The following AOPEP variants were observed in gnomAD, a reference collection of about 807,000 sequenced individuals.
AOPEP encodes the protein aminopeptidase O (putative).
A neutral mutation model predicts 98.1 loss-of-function variants in AOPEP; 77 were observed. That is an observed-to-expected ratio of 0.78 (90% CI 0.65 to 0.95). The LOEUF is 0.95. Ranked by LOEUF, AOPEP falls within the 40% of genes least tolerant of loss-of-function variation. The pLI, the probability that AOPEP is intolerant of heterozygous loss-of-function variation, is 0.00. For synonymous variants in AOPEP, 346 were observed against 365.3 expected (o/e 0.95, Z 0.60); for missense variants, 1,024 against 1,024.7 (o/e 1.00, Z 0.01).
rs577166300 is a variant in AOPEP, at chr9:94,875,339, T to C, written c.1365-48647T>C. The stretch of plus-strand genomic sequence containing the variant: ...ACAAATTAAATTTAACAGAGTTTAA[T>C]TGAGCAAGAAAAAAAAAAAAAAAAA... On this transcript the variant is annotated intron_variant, in intron 5 of 16. Coordinates refer to ENST00000375315, the MANE Select transcript of AOPEP (RefSeq NM_001193329.3). Among the ~76,000 whole-genome samples, 157 of 91,206 alleles carry C rather than the reference T, an allele frequency of 1.7e-3. 1 individual carries two copies. Among genetic ancestry groups the C allele is most frequent in the African/African-American group, 7.0e-3 (153 of 21,998 alleles). The allele number at this position is 91,206 out of a possible 152,430, so 59.8% of individuals were successfully genotyped here.
chr9:95,027,475 G>C (rs2063934815), intron 13 of AOPEP, among the ~76,000 whole-genome samples: 1 of 152,064 alleles, frequency 6.6e-6, no homozygotes, highest in Non-Finnish European at 1.5e-5. Flanking sequence ...TTACTTTGAG[G>C]AGTGATGTTT....
the AOPEP span, among the ~76,000 whole-genome samples, chr9:95,127,947 CTT>C: frequency 6.6e-6 from 1 of 152,240 alleles, no homozygotes; most frequent in Admixed American, 6.5e-5. Flanking sequence ...ATGTCCTACT[CTT>C]TAAATAATCT....
intron 5 of AOPEP, chr9:94,904,211 A>G (rs1157580290): frequency 6.6e-6 from 1 of 152,186 alleles, no homozygotes; most frequent in Non-Finnish European, 1.5e-5. Flanking sequence ...TCATGTATCA[A>G]AAAGATATGG....
At chr9:95,119,733 A>T in the AOPEP span, among the ~76,000 whole-genome samples, 1 of 151,552 alleles carries the variant, frequency 6.6e-6, no homozygotes, top group Admixed American at 6.6e-5. Context: ...ATTTTTTGAG[A>T]TATGGTTTCA....
At chr9:94,932,975 G>A in intron 7 of AOPEP, 1 of 985,398 alleles carries the variant, frequency 1.0e-6, no homozygotes, top group Non-Finnish European at 1.2e-6. Context: ...AAAATGTTAG[G>A]GGTCACATGC....
chr9:94,775,469 A>G (rs569133201), intron 3 of AOPEP, among the ~76,000 whole-genome samples: 13 of 151,554 alleles, frequency 8.6e-5, no homozygotes, highest in Non-Finnish European at 1.6e-4. Flanking sequence ...TCCCGGGTTC[A>G]GGCGATTCTG....
intron 5 of AOPEP, among the ~76,000 whole-genome samples, chr9:94,841,656 G>T (rs1319157031): frequency 6.6e-6 from 1 of 152,002 alleles, no homozygotes; most frequent in Non-Finnish European, 1.5e-5. Context: ...TACGTCAAAG[G>T]ACACTTTTTT....
chr9:95,108,847 C>T, the AOPEP span, among the ~76,000 whole-genome samples: 1 of 151,982 alleles, frequency 6.6e-6, no homozygotes, highest in Admixed American at 6.6e-5. Context: ...TTTCATTTTT[C>T]TCTCCATAAT....
intron 5 of AOPEP, chr9:94,921,231 G>T (rs1400184702): frequency 6.6e-6 from 1 of 152,302 alleles, no homozygotes; most frequent in East Asian, 1.9e-4. Flanking sequence ...CAGTTTTCCA[G>T]TGAGGCTTGT....
intron 13 of AOPEP, among the ~76,000 whole-genome samples, chr9:95,050,867 G>A (rs1272145942): frequency 6.6e-6 from 1 of 152,194 alleles, no homozygotes. Context: ...TGGAATGTTA[G>A]TGTTTCCGAC....
intron 14 of AOPEP, among the ~76,000 whole-genome samples, chr9:95,066,500 T>G (rs1035250668): frequency 6.6e-6 from 1 of 152,232 alleles, no homozygotes; most frequent in Non-Finnish European, 1.5e-5. Flanking sequence ...AATGGTCAGC[T>G]TAGCATTTAT....
chr9:94,739,577 G>A (rs1832594050), intron 1 of AOPEP, among the ~76,000 whole-genome samples: 1 of 151,340 alleles, frequency 6.6e-6, no homozygotes, highest in Admixed American at 6.6e-5. Context: ...CCGGGAGGTG[G>A]AAGTTGCAGT....
At chr9:94,898,996 G>A (rs961783830) in intron 5 of AOPEP, among the ~76,000 whole-genome samples, 1 of 151,958 alleles carries the variant, frequency 6.6e-6, no homozygotes, top group African/African-American at 2.4e-5. Flanking sequence ...TGTGGGAGAA[G>A]CTCCTTGGTA....
At chr9:95,046,657 G>A (rs1182796234) in intron 13 of AOPEP, among the ~76,000 whole-genome samples, 1 of 152,174 alleles carries the variant, frequency 6.6e-6, no homozygotes, top group African/African-American at 2.4e-5. Flanking sequence ...GGGAACATAG[G>A]GAAGGATAAG....
chr9:94,936,532 A>G (rs2056303146), intron 7 of AOPEP, among the ~76,000 whole-genome samples: 1 of 152,206 alleles, frequency 6.6e-6, no homozygotes, highest in Non-Finnish European at 1.5e-5. Context: ...ACTGTTTTTC[A>G]TCTGCTCTCA....
intron 14 of AOPEP, 114 bp downstream of exon 14, chr9:95,060,924 A>G: frequency 2.7e-6 from 2 of 733,438 alleles, no homozygotes; most frequent in Non-Finnish European, 5.0e-6. Flanking sequence ...GCAAAATCTC[A>G]TGTGTTTGCT....
chr9:94,741,482 A>G (rs1833103692), intron 1 of AOPEP, among the ~76,000 whole-genome samples: 1 of 152,048 alleles, frequency 6.6e-6, no homozygotes, highest in South Asian at 2.1e-4. Flanking sequence ...CGTGTTAGCC[A>G]GGATGGTCTC....
At chr9:94,928,360 T>G (rs1302612101) in intron 6 of AOPEP, 65 bp from the exon 7 acceptor site, 2 of 1,183,242 alleles carry the variant, frequency 1.7e-6, no homozygotes, top group Non-Finnish European at 1.2e-6. Context: ...AGTGAGCCAT[T>G]GCACCAGGAC....
intron 7 of AOPEP, among the ~76,000 whole-genome samples, chr9:94,950,267 C>T (rs1033224618): frequency 1.1e-4 from 17 of 152,128 alleles, no homozygotes; most frequent in African/African-American, 2.7e-4. Flanking sequence ...AGAACATAGT[C>T]GGAACACAGA....
Sources: allele counts gnomAD v4.1 joint callset (sites outside exome capture counted in the v4.1 genomes callset), GRCh38; gene constraint gnomAD v4.1.1; transcripts MANE v1.5; gene names NCBI Gene and HGNC (gene_info 2026-07-23, HGNC 2026-07-21).